The following CSMD1 variants were observed in gnomAD, a reference collection of about 807,000 sequenced individuals.
CSMD1 encodes the protein CUB and sushi domain-containing protein 1.
In CSMD1, 213 loss-of-function variants were observed where a neutral mutation model predicts 417.5. That is an observed-to-expected ratio of 0.51 (90% confidence interval 0.46 to 0.57). The LOEUF is 0.57. Among genes scored for constraint, CSMD1 ranks in the 20% least tolerant of loss-of-function variants. The probability of loss-of-function intolerance (pLI) is 0.00; values close to 1 mark genes in which losing one functional copy is unlikely to be tolerated. For missense variants in CSMD1, 6,923 were observed against 4,529.7 expected, an observed-to-expected ratio of 1.53 and a Z score of -15.17; for synonymous variants, 2,862 against 1,736.8, an observed-to-expected ratio of 1.65 and a Z score of -16.11.
At chr8:3,573,600 C>G (rs778101912) in intron 10 of CSMD1, among the ~76,000 whole-genome samples, 7 of 152,074 alleles carry the variant, frequency 4.6e-5, no homozygotes, top group Admixed American at 6.6e-5. Context: ...ATAAGCCAAC[C>G]AAAACCAAAG....
In CSMD1 at chr8:3,662,800, G is replaced by C. The variant is rs1384413945; in HGVS notation, c.1009+45614C>G. ...TGGGGTTGAACAATGAGAACACATG[G>C]ACACAGGGAGGGGAACATCACACAC... On this transcript the variant is annotated intron_variant, in intron 7 of 69. Coordinates refer to ENST00000635120, the MANE Select transcript of CSMD1 (RefSeq NM_033225.6). 2.6e-5 allele frequency among the ~76,000 whole-genome samples: 4 copies of C among 151,944 alleles called. No individual in the cohort carries two copies. The East Asian group carries it at 5.8e-4, about 22-fold the overall frequency.
intron 33 of CSMD1, among the ~76,000 whole-genome samples, chr8:3,198,215 G>A (rs555750128): frequency 6.6e-6 from 1 of 152,170 alleles, no homozygotes; most frequent in East Asian, 1.9e-4. Context: ...TCTGATGATG[G>A]GATAGATTTT....
intron 5 of CSMD1, among the ~76,000 whole-genome samples, chr8:3,973,339 G>A (rs182445348): frequency 3.3e-5 from 5 of 152,158 alleles, no homozygotes; most frequent in African/African-American, 9.7e-5. Flanking sequence ...TCTGCTTGGT[G>A]CTAGATAGAA....
chr8:4,316,875 C>T (rs567679368), intron 3 of CSMD1, among the ~76,000 whole-genome samples: 1 of 152,144 alleles, frequency 6.6e-6, no homozygotes, highest in African/African-American at 2.4e-5. Context: ...TGTGGTTATA[C>T]TCCAAATCTT....
intron 7 of CSMD1, among the ~76,000 whole-genome samples, chr8:3,663,372 G>T (rs899148502): frequency 1.3e-5 from 2 of 152,020 alleles, no homozygotes; most frequent in East Asian, 3.9e-4. Flanking sequence ...TTTATAAAGG[G>T]GCACTTCTGT....
At chr8:4,082,236 C>A (rs1177002976) in intron 3 of CSMD1, among the ~76,000 whole-genome samples, 8 of 151,992 alleles carry the variant, frequency 5.3e-5, no homozygotes, top group Admixed American at 5.2e-4. Context: ...GTAAAATGGA[C>A]AAAGTCCTAG....
chr8:4,908,542 CTTTGT>C (rs1281903910), intron 1 of CSMD1, among the ~76,000 whole-genome samples: 1 of 147,540 alleles, frequency 6.8e-6, no homozygotes, highest in African/African-American at 2.5e-5. Flanking sequence ...TGTTTTTTTT[CTTTGT>C]TTTGTGTTTC....
chr8:3,442,758 T>C (rs1221497025), intron 12 of CSMD1, among the ~76,000 whole-genome samples: 1 of 152,306 alleles, frequency 6.6e-6, no homozygotes, highest in Non-Finnish European at 1.5e-5. Context: ...CACACGTACA[T>C]ATATATTTGA....
chr8:3,422,726 G>C (rs147258694), intron 12 of CSMD1, among the ~76,000 whole-genome samples: 1 of 152,098 alleles, frequency 6.6e-6, no homozygotes, highest in Non-Finnish European at 1.5e-5. Flanking sequence ...CTTGTGCTGC[G>C]ATAACAGAAA....
At chr8:3,608,091 G>C (rs1167089937) in intron 8 of CSMD1, among the ~76,000 whole-genome samples, 2 of 150,604 alleles carry the variant, frequency 1.3e-5, no homozygotes, top group South Asian at 4.2e-4. Flanking sequence ...AGAATTGTTT[G>C]AACCTGGGAG....
intron 1 of CSMD1, among the ~76,000 whole-genome samples, chr8:4,699,369 T>C (rs1305293719): frequency 6.6e-6 from 1 of 152,168 alleles, no homozygotes; most frequent in East Asian, 1.9e-4. Flanking sequence ...CATCTGAGAG[T>C]ACCCACAACT....
At chr8:3,930,432 C>T (rs1291531486) in intron 5 of CSMD1, among the ~76,000 whole-genome samples, 6 of 150,672 alleles carry the variant, frequency 4.0e-5, no homozygotes, top group Non-Finnish European at 8.9e-5. Flanking sequence ...TAGGTCAAAG[C>T]CTGTTCTTCT....
intron 54 of CSMD1, 148 bp from the exon 55 acceptor site, chr8:2,978,948 G>C (rs776140730): frequency 1.1e-4 from 74 of 698,820 alleles, no homozygotes; most frequent in Non-Finnish European, 1.5e-4. Flanking sequence ...CCACTCTCAC[G>C]ATGAATTCTC....
chr8:4,837,565 T>A (rs181965610), intron 1 of CSMD1, among the ~76,000 whole-genome samples: 1 of 152,130 alleles, frequency 6.6e-6, no homozygotes, highest in African/African-American at 2.4e-5. Flanking sequence ...TCAAAACAAT[T>A]AAGCTCATGA....
In CSMD1 at chr8:3,953,785, G is replaced by A. The variant is rs1257150189; in HGVS notation, c.818+44118C>T. 3.3e-5 allele frequency among the ~76,000 whole-genome samples: 5 copies of A among 152,084 alleles called. No individual in the cohort carries two copies. The East Asian group carries it at 7.8e-4, about 24-fold the overall frequency. ...ACAGCTGAGCTTATCCACAAGCCCC[G>A]CAACACCTCAGAGCTATACAGCCAT... On this transcript the variant is annotated intron_variant, in intron 5 of 69. Transcript: ENST00000635120.
chr8:3,219,497 G>C (rs1460509062), intron 28 of CSMD1, 55 bp from the exon 29 acceptor site: 1 of 1,252,718 alleles, frequency 8.0e-7, no homozygotes, highest in Admixed American at 3.4e-5. Context: ...TTATCTCCCA[G>C]AGTGGTAAGC....
At chr8:4,675,402 G>T (rs1226717101) in intron 1 of CSMD1, among the ~76,000 whole-genome samples, 1 of 152,130 alleles carries the variant, frequency 6.6e-6, no homozygotes, top group African/African-American at 2.4e-5. Flanking sequence ...TCATTTCTGA[G>T]CTGGCTGACT....
intron 1 of CSMD1, among the ~76,000 whole-genome samples, chr8:4,942,565 T>C (rs1390352062): frequency 1.3e-5 from 2 of 152,268 alleles, no homozygotes; most frequent in Admixed American, 6.5e-5. Context: ...CTCACATATT[T>C]AAAAGTGTGA....
At chr8:3,939,250 TG>T (rs141531474) in intron 5 of CSMD1, among the ~76,000 whole-genome samples, 1,634 of 152,120 alleles carry the variant, frequency 0.011, 24 homozygotes, top group African/African-American at 0.037. Flanking sequence ...GTTTTACATA[TG>T]AAAAAAAATG....
Sources: gnomAD v4.1 joint callset for allele counts (sites outside exome capture counted in the v4.1 genomes callset) on GRCh38, gnomAD v4.1.1 for gene constraint, MANE v1.5 for transcripts, NCBI Gene and HGNC (gene_info 2026-07-23, HGNC 2026-07-21) for gene names.